Variants in CDH12 observed in about 807,000 individuals in gnomAD.
CDH12 encodes cadherin-12.
In CDH12, 41 loss-of-function variants were observed where a neutral mutation model predicts 74.1. That is an observed-to-expected ratio of 0.55 (90% CI 0.43 to 0.72). CDH12 has a LOEUF of 0.72. CDH12 is among the 30% of genes least tolerant of loss of function. CDH12 has a pLI of 0.00. For missense variants in CDH12, 945 were observed against 977.2 expected, an observed-to-expected ratio of 0.97 and a Z score of 0.44; for synonymous variants, 399 against 355.0, an observed-to-expected ratio of 1.12 and a Z score of -1.39.
At chr5:22,063,883 C>T (rs1376440890) in intron 5 of CDH12, among the ~76,000 whole-genome samples, 1 of 151,960 alleles carries the variant, frequency 6.6e-6, no homozygotes, top group Non-Finnish European at 1.5e-5. Flanking sequence ...AGTTTCCAGC[C>T]TGATGGCTTA....
At chr5:22,605,334 C>G (rs1317933940) in intron 1 of CDH12, among the ~76,000 whole-genome samples, 1 of 152,172 alleles carries the variant, frequency 6.6e-6, no homozygotes, top group South Asian at 2.1e-4. Flanking sequence ...TTCTACTTCT[C>G]TGGAGGATCC....
At chr5:22,439,640 T>C (rs868454740) in intron 2 of CDH12, among the ~76,000 whole-genome samples, 15 of 152,204 alleles carry the variant, frequency 9.9e-5, no homozygotes, top group Middle Eastern at 3.4e-3. Context: ...CCTAGTCTTG[T>C]ATAAGCACTC....
chr5:22,660,511 G>A (rs531449818), intron 1 of CDH12, among the ~76,000 whole-genome samples: 2 of 152,128 alleles, frequency 1.3e-5, no homozygotes, highest in Admixed American at 1.3e-4. Context: ...TCCTGGACTC[G>A]AGGGATCCTC....
intron 4 of CDH12, among the ~76,000 whole-genome samples, chr5:22,180,671 C>T (rs887635183): frequency 3.9e-5 from 6 of 151,960 alleles, no homozygotes; most frequent in African/African-American, 1.5e-4. Context: ...CACCACAATG[C>T]CTGGCTAACT....
intron 11 of CDH12, among the ~76,000 whole-genome samples, chr5:21,775,071 G>T (rs1298933584): frequency 6.6e-6 from 1 of 152,168 alleles, no homozygotes; most frequent in Non-Finnish European, 1.5e-5. Context: ...AGGTGTCTCT[G>T]ATGCAGGTGG....
chr5:22,749,289 C>T (rs1265037405), intron 1 of CDH12, among the ~76,000 whole-genome samples: 1 of 152,220 alleles, frequency 6.6e-6, no homozygotes, highest in Non-Finnish European at 1.5e-5. Context: ...AGAAATGAGT[C>T]TGAAAGGGAC....
At chr5:22,424,372 G>GA (rs2126504125) in intron 2 of CDH12, among the ~76,000 whole-genome samples, 1 of 152,210 alleles carries the variant, frequency 6.6e-6, no homozygotes, top group East Asian at 1.9e-4. Flanking sequence ...GACAACATGT[G>GA]AAAAACTCCA....
chr5:22,086,252 G>A (rs1743059751), intron 4 of CDH12, among the ~76,000 whole-genome samples: 1 of 152,020 alleles, frequency 6.6e-6, no homozygotes, highest in Non-Finnish European at 1.5e-5. Context: ...TGCCTCTCTG[G>A]CTTGTCCAGA....
intron 1 of CDH12, among the ~76,000 whole-genome samples, chr5:22,737,342 A>C (rs1358059030): frequency 2.6e-5 from 4 of 151,978 alleles, no homozygotes; most frequent in Non-Finnish European, 5.9e-5. Flanking sequence ...TAGAAAATAA[A>C]TAATAATAAC....
intron 1 of CDH12, among the ~76,000 whole-genome samples, chr5:22,698,742 G>A (rs1742555178): frequency 3.4e-4 from 10 of 29,198 alleles, no homozygotes; most frequent in African/African-American, 8.6e-4. Flanking sequence ...TATAGTGTGT[G>A]TGTGTGTGTG....
intron 1 of CDH12, among the ~76,000 whole-genome samples, chr5:22,788,028 G>A (rs1747728018): frequency 6.6e-6 from 1 of 152,162 alleles, no homozygotes; most frequent in South Asian, 2.1e-4. Flanking sequence ...TGAATAATAG[G>A]AAGCTAAGTA....
intron 1 of CDH12, among the ~76,000 whole-genome samples, chr5:22,685,656 T>C (rs1741747771): frequency 6.6e-6 from 1 of 152,228 alleles, no homozygotes; most frequent in Non-Finnish European, 1.5e-5. Flanking sequence ...TAACACCGTA[T>C]GTGGTCTTTT....
chr5:22,676,450 C>G (rs1274510682), intron 1 of CDH12, among the ~76,000 whole-genome samples: 1 of 152,184 alleles, frequency 6.6e-6, no homozygotes, highest in Non-Finnish European at 1.5e-5. Flanking sequence ...TGGGCCATAT[C>G]AGTTTGCTTA....
rs369797127 is a variant in CDH12, at chr5:22,111,684, T to C, written c.-186-32822A>G. Among the ~76,000 whole-genome samples the C allele has an allele frequency of 1.8e-3, 267 of 152,314 alleles. 2 individuals are homozygous for C. The highest frequency in any genetic ancestry group is 6.2e-3 in the African/African-American group (257 of 41,582). On this transcript the variant is annotated intron_variant, in intron 4 of 14. Coordinates refer to ENST00000382254, the MANE Select transcript of CDH12 (RefSeq NM_004061.5). Reference sequence around the variant, plus strand: ...ATTGTGCTACCCCAAAAGTCATTTTTGTTAATACACATCTTGCTTATGTGG... The same window carrying C: ...ATTGTGCTACCCCAAAAGTCATTTTCGTTAATACACATCTTGCTTATGTGG...
chr5:22,496,796 T>G (rs983932824), intron 2 of CDH12, among the ~76,000 whole-genome samples: 2 of 152,190 alleles, frequency 1.3e-5, no homozygotes, highest in African/African-American at 4.8e-5. Flanking sequence ...GTCTTCACCC[T>G]ACACTGACCA....
chr5:22,640,263 A>G (rs1739076006), intron 1 of CDH12, among the ~76,000 whole-genome samples: 1 of 152,212 alleles, frequency 6.6e-6, no homozygotes, highest in South Asian at 2.1e-4. Flanking sequence ...GCTTCAGCTC[A>G]TGGTGAGAAC....
chr5:21,905,638 T>C (rs1753606727), intron 6 of CDH12, among the ~76,000 whole-genome samples: 1 of 152,228 alleles, frequency 6.6e-6, no homozygotes, highest in African/African-American at 2.4e-5. Context: ...CCTTACAGTC[T>C]GTGTTTTTTG....
chr5:22,039,022 C>T (rs955368860), intron 5 of CDH12, among the ~76,000 whole-genome samples: 1 of 152,136 alleles, frequency 6.6e-6, no homozygotes, highest in Admixed American at 6.5e-5. Context: ...GTCCCCCTGC[C>T]ACTGCCCCAA....
chr5:22,206,582 G>A (rs895090434), intron 4 of CDH12, among the ~76,000 whole-genome samples: 2 of 138,904 alleles, frequency 1.4e-5, no homozygotes, highest in Non-Finnish European at 3.0e-5. Context: ...TGAGACCCAG[G>A]AATCTACTTC....
Sources: gnomAD v4.1 joint callset for allele counts (sites outside exome capture counted in the v4.1 genomes callset) on GRCh38, gnomAD v4.1.1 for gene constraint, MANE v1.5 for transcripts, NCBI Gene and HGNC (gene_info 2026-07-23, HGNC 2026-07-21) for gene names.